The following RYR3 variants were observed in gnomAD, a reference collection of about 807,000 sequenced individuals.
The protein encoded by RYR3 is brain ryanodine receptor-calcium release channel.
Under a neutral mutation model 584.3 loss-of-function variants are expected in RYR3, and 207 were observed. The observed-to-expected ratio is 0.35, with a 90% confidence interval of 0.32 to 0.40. The LOEUF is 0.40. Ranked by LOEUF, RYR3 falls within the 10% of genes least tolerant of loss-of-function variation. The pLI is 1.00. For synonymous variants in RYR3, 2,416 were observed against 2,248.5 expected (o/e 1.07, Z -2.11); for missense variants, 5,616 against 6,089.2 (o/e 0.92, Z 2.59).
intron 16 of RYR3, among the ~76,000 whole-genome samples, chr15:33,590,285 G>T (rs1353958712): frequency 6.6e-6 from 1 of 152,170 alleles, no homozygotes; most frequent in Non-Finnish European, 1.5e-5. Flanking sequence ...TATACGTGCA[G>T]GTCTCAGGGG....
At position 33,550,148 on chromosome 15, in the gene RYR3, T is replaced by G. The variant is rs573498857; in HGVS notation, c.816-12T>G. On this transcript the variant is annotated splice_polypyrimidine_tract_variant and intron_variant, in intron 9 of 103. Transcript: ENST00000634891. ...GTATAAATGCAATTTCTTGTCTGTT[T>G]CATCTGCCCAGCTGGAGTGGCAGTA... 4.4e-6 allele frequency: 7 copies of G among 1,607,502 alleles called. No individual in the cohort carries two copies. In the African/African-American group the frequency reaches 5.4e-5, roughly 12 times the overall value.
Position 33,336,460 on chromosome 15 carries a change from GAGAGAGAGAGAGAGAGAGAGA to G in RYR3, c.51+25365_51+25385del, listed in dbSNP as rs1567046588. Among the ~76,000 whole-genome samples, 83 of 15,836 alleles carry G rather than the reference GAGAGAGAGAGAGAGAGAGAGA, an allele frequency of 5.2e-3. 15 individuals are homozygous for G. Among genetic ancestry groups the G allele is most frequent in the African/African-American group, 0.041 (60 of 1,468 alleles). The allele number at this position is 15,836 out of a possible 152,430, so 10.4% of individuals were successfully genotyped here. On this transcript the variant is annotated intron_variant, in intron 1 of 103. Transcript: ENST00000634891. ...AAAGAAAGAGAGAGAGAGAGAGAGA[GAGAGAGAGAGAGAGAGAGAGA>G]GAGAGAAAGAAAGAAAGAAAGAAGG... is the stretch of plus-strand genomic sequence containing the variant.
At chr15:33,564,908 G>A (rs1243320516) in intron 11 of RYR3, among the ~76,000 whole-genome samples, 1 of 152,198 alleles carries the variant, frequency 6.6e-6, no homozygotes, top group African/African-American at 2.4e-5. Context: ...AGCATGTTAA[G>A]TGCCCTCTCT....
chr15:33,858,056 A>G (rs2079889422), intron 99 of RYR3, 142 bp downstream of exon 99: 2 of 1,098,112 alleles, frequency 1.8e-6, no homozygotes, highest in Admixed American at 2.7e-5. Flanking sequence ...TTAAAGTAGA[A>G]GACAGATGTC....
intron 62 of RYR3, among the ~76,000 whole-genome samples, chr15:33,769,818 G>T (rs1320112546): frequency 6.6e-6 from 1 of 152,108 alleles, no homozygotes; most frequent in Non-Finnish European, 1.5e-5. Context: ...GCATGGTGGT[G>T]CATGCCTGTA....
At chr15:33,502,351 A>G (rs4144333) in intron 2 of RYR3, among the ~76,000 whole-genome samples, 30,898 of 152,104 alleles carry the variant, frequency 0.2, 4,083 homozygotes, top group African/African-American at 0.37. Context: ...AGCCTTAGTA[A>G]CAGACTTGGT....
At chr15:33,519,873 A>C (rs1000406403) in intron 3 of RYR3, among the ~76,000 whole-genome samples, 4 of 152,146 alleles carry the variant, frequency 2.6e-5, no homozygotes, top group African/African-American at 9.7e-5. Flanking sequence ...GCTACTTCAT[A>C]TACTTCAAGA....
chr15:33,559,643 G>A (rs1007089405), intron 10 of RYR3, among the ~76,000 whole-genome samples: 1 of 152,172 alleles, frequency 6.6e-6, no homozygotes, highest in Admixed American at 6.5e-5. Context: ...GCCTTGGGAA[G>A]GCAGAGGAAT....
At chr15:33,360,186 T>C (rs1974564432) in intron 1 of RYR3, among the ~76,000 whole-genome samples, 2 of 152,258 alleles carry the variant, frequency 1.3e-5, no homozygotes, top group South Asian at 4.2e-4. Context: ...CCCATTCAAA[T>C]GAATCATTTG....
In RYR3 at chr15:33,375,487, A is replaced by G. The variant is rs1202663647; in HGVS notation, c.51+64391A>G. ...GAAGGGCAATCCAGATAAAATAGAG[A>G]AGCTGAGTTCTGGGTAAAGCCAGAT... On this transcript the variant is annotated intron_variant, in intron 1 of 103. Coordinates refer to ENST00000634891, the MANE Select transcript of RYR3 (RefSeq NM_001036.6). Among the ~76,000 whole-genome samples, 6 of 152,254 alleles carry G rather than the reference A, an allele frequency of 3.9e-5. No homozygotes were observed. The East Asian group carries it at 1.2e-3, about 29-fold the overall frequency.
In RYR3 at chr15:33,701,651, G is replaced by A. The variant is rs906011031; in HGVS notation, c.6483+571G>A. On this transcript the variant is annotated intron_variant, in intron 42 of 103. Coordinates refer to ENST00000634891, the MANE Select transcript of RYR3 (RefSeq NM_001036.6). ...TGGAGCAGAGCAACCTGGAGGGGGA[G>A]GGGGGTGGAGAGGAGGGACGTGGGC... is the stretch of plus-strand genomic sequence containing the variant. Among the ~76,000 whole-genome samples, 11 of 151,874 alleles carry A rather than the reference G, an allele frequency of 7.2e-5. No homozygotes were observed. In the East Asian group the frequency reaches 2.1e-3, roughly 29 times the overall value.
chr15:33,354,799 G>A (rs1323225714), intron 1 of RYR3, among the ~76,000 whole-genome samples: 1 of 152,192 alleles, frequency 6.6e-6, no homozygotes, highest in African/African-American at 2.4e-5. Context: ...AAGTAAAGTA[G>A]TTGGACTTTA....
chr15:33,664,614 T>TATATACAC (rs1491296584), intron 36 of RYR3, among the ~76,000 whole-genome samples: 2 of 120,532 alleles, frequency 1.7e-5, no homozygotes, highest in African/African-American at 6.1e-5. Flanking sequence ...TATATATATA[T>TATATACAC]ACGTATGTAT....
chr15:33,836,428 T>G (rs933482864), intron 87 of RYR3, among the ~76,000 whole-genome samples: 6 of 152,050 alleles, frequency 3.9e-5, no homozygotes, highest in Non-Finnish European at 8.8e-5. Flanking sequence ...AAGGGACAAG[T>G]GGCACCCAGA....
intron 64 of RYR3, among the ~76,000 whole-genome samples, chr15:33,778,454 A>T (rs1414213540): frequency 6.6e-6 from 1 of 152,206 alleles, no homozygotes; most frequent in Non-Finnish European, 1.5e-5. Flanking sequence ...GGCACTCACT[A>T]TCCTCAGTTG....
At chr15:33,330,424 A>G (rs1970244074) in intron 1 of RYR3, among the ~76,000 whole-genome samples, 1 of 152,002 alleles carries the variant, frequency 6.6e-6, no homozygotes, top group Non-Finnish European at 1.5e-5. Context: ...AACTTTTCCC[A>G]ATCAACCATA....
chr15:33,628,216 A>G (rs1476800347), intron 20 of RYR3, among the ~76,000 whole-genome samples: 2 of 152,206 alleles, frequency 1.3e-5, no homozygotes, highest in African/African-American at 2.4e-5. Context: ...AAGTATTCAC[A>G]TGTGAAGAAC....
chr15:33,554,588 G>T (rs2056943893), intron 10 of RYR3, among the ~76,000 whole-genome samples: 1 of 152,172 alleles, frequency 6.6e-6, no homozygotes, highest in Non-Finnish European at 1.5e-5. Flanking sequence ...GAGCCACTGT[G>T]CCTGGCCAAC....
intron 62 of RYR3, among the ~76,000 whole-genome samples, chr15:33,771,009 G>A (rs1004043463): frequency 2.8e-4 from 43 of 152,306 alleles, no homozygotes; most frequent in African/African-American, 9.1e-4. Flanking sequence ...CTCCATAGCT[G>A]ATCTTCATCC....
Sources: allele counts gnomAD v4.1 joint callset (sites outside exome capture counted in the v4.1 genomes callset), GRCh38; gene constraint gnomAD v4.1.1; transcripts MANE v1.5; gene names NCBI Gene and HGNC (gene_info 2026-07-23, HGNC 2026-07-21).